Variants in DYM observed in about 807,000 individuals in gnomAD.
The protein encoded by DYM is dyggve-Melchior-Clausen syndrome protein.
DYM carries 78 observed loss-of-function variants against 93.1 expected under a neutral mutation model. The ratio of observed to expected loss-of-function variants is 0.84; its 90% CI spans 0.70 to 1.01. The LOEUF (loss-of-function observed/expected upper bound fraction) is 1.01, where lower values mean the gene tolerates loss of function less well. Among genes scored for constraint, DYM ranks in the 50% least tolerant of loss-of-function variants. DYM has a pLI of 0.00. For synonymous variants in DYM, 321 were observed against 319.7 expected (o/e 1.00, Z -0.04); for missense variants, 789 against 845.0 (o/e 0.93, Z 0.82).
chr18:49,234,061 G>A (rs1040624929), intron 13 of DYM, among the ~76,000 whole-genome samples: 2 of 152,034 alleles, frequency 1.3e-5, no homozygotes, highest in African/African-American at 4.8e-5. Flanking sequence ...CCTGGGAGGC[G>A]GAGCTTGCAG....
At chr18:49,329,303 G>A (rs896621475) in intron 8 of DYM, among the ~76,000 whole-genome samples, 10 of 106,806 alleles carry the variant, frequency 9.4e-5, no homozygotes, top group Non-Finnish European at 1.8e-4. Context: ...GGGGAGGGGG[G>A]AGGGATAGCA....
rs937503109 is a variant in DYM, at chr18:49,232,306, C to CT, written c.1461-22592dup. Among the ~76,000 whole-genome samples the CT allele has an allele frequency of 5.0e-3, 707 of 141,990 alleles. 6 individuals carry two copies. The highest frequency in any genetic ancestry group is 0.046 in the East Asian group (230 of 5,020). The allele number at this position is 141,990 out of a possible 152,430, so 93.2% of individuals were successfully genotyped here. On this transcript the variant is annotated intron_variant, in intron 13 of 17. Coordinates refer to ENST00000675505, the MANE Select transcript of DYM (RefSeq NM_001353214.3). ...AGAATTTCTTCTTTTTTGATTTTTT[C>CT]TTTTTTTTTTTTCTTTTTGAGAAGG... is the stretch of plus-strand genomic sequence containing the variant.
chr18:49,240,346 A>G (rs1165685739), intron 13 of DYM, among the ~76,000 whole-genome samples: 1 of 152,162 alleles, frequency 6.6e-6, no homozygotes, highest in South Asian at 2.1e-4. Flanking sequence ...TTATACTGAC[A>G]GATATTAAAA....
At chr18:49,060,544 C>T (rs2075863647) in intron 17 of DYM, among the ~76,000 whole-genome samples, 1 of 149,714 alleles carries the variant, frequency 6.7e-6, no homozygotes. Context: ...TGAAGGTAGG[C>T]TCTCTGTGTG....
At chr18:49,235,775 G>A (rs1188556923) in intron 13 of DYM, among the ~76,000 whole-genome samples, 33 of 148,462 alleles carry the variant, frequency 2.2e-4, no homozygotes, top group Non-Finnish European at 1.8e-4. Context: ...CACTGTGAAA[G>A]AAAAAAAAAA....
At chr18:49,343,425 T>C (rs1428650933) in intron 6 of DYM, among the ~76,000 whole-genome samples, 7 of 152,222 alleles carry the variant, frequency 4.6e-5, no homozygotes, top group Non-Finnish European at 1.0e-4. Context: ...CAGGACTCTG[T>C]CTTTGACTTT....
chr18:49,174,913 CAT>C (rs531905814), intron 14 of DYM, among the ~76,000 whole-genome samples: 35 of 152,142 alleles, frequency 2.3e-4, no homozygotes, highest in East Asian at 9.7e-4. Context: ...ATACGGAAAA[CAT>C]GTGAGGATTA....
intron 1 of DYM, among the ~76,000 whole-genome samples, chr18:49,434,107 A>G (rs2080590297): frequency 6.6e-6 from 1 of 152,058 alleles, no homozygotes; most frequent in South Asian, 2.1e-4. Flanking sequence ...ACACTTTGGG[A>G]GGCCAAGACG....
intron 10 of DYM, among the ~76,000 whole-genome samples, chr18:49,275,488 T>A (rs1467452380): frequency 6.6e-6 from 1 of 152,200 alleles, no homozygotes; most frequent in East Asian, 1.9e-4. Context: ...AATCATCTTG[T>A]CAATCTCTAT....
chr18:49,352,009 G>A (rs1409263952), intron 6 of DYM, among the ~76,000 whole-genome samples: 1 of 152,164 alleles, frequency 6.6e-6, no homozygotes, highest in Admixed American at 6.5e-5. Context: ...AAGACTACAC[G>A]TAGAACTTTC....
At chr18:49,048,636 C>T (rs1211811148) in intron 17 of DYM, among the ~76,000 whole-genome samples, 2 of 150,756 alleles carry the variant, frequency 1.3e-5, no homozygotes, top group Non-Finnish European at 2.9e-5. Flanking sequence ...TTCCTTCCAG[C>T]TGAATTACAG....
At chr18:49,136,120 C>A (rs1322085645) in intron 15 of DYM, among the ~76,000 whole-genome samples, 1 of 152,250 alleles carries the variant, frequency 6.6e-6, no homozygotes, top group African/African-American at 2.4e-5. Context: ...CTCCCTGTGG[C>A]CCAGCCACTG....
At chr18:49,102,985 C>T (rs938557673) in intron 16 of DYM, among the ~76,000 whole-genome samples, 23 of 152,168 alleles carry the variant, frequency 1.5e-4, no homozygotes, top group African/African-American at 4.8e-4. Flanking sequence ...CTTGAGGAAT[C>T]GCCACACTGA....
intron 2 of DYM, among the ~76,000 whole-genome samples, chr18:49,395,879 C>A (rs971798418): frequency 6.6e-6 from 1 of 152,112 alleles, no homozygotes; most frequent in African/African-American, 2.4e-5. Context: ...GAAATCTGAT[C>A]CCCAATGTTA....
chr18:49,348,884 G>A (rs2064862677), intron 6 of DYM, among the ~76,000 whole-genome samples: 1 of 140,782 alleles, frequency 7.1e-6, no homozygotes, highest in Non-Finnish European at 1.5e-5. Flanking sequence ...ACTCCAGCCG[G>A]GTAACAGAGT....
At chr18:49,396,691 G>A (rs138662948) in intron 2 of DYM, among the ~76,000 whole-genome samples, 1 of 152,064 alleles carries the variant, frequency 6.6e-6, no homozygotes, top group African/African-American at 2.4e-5. Context: ...TCCATCAATG[G>A]ATGAATTTTT....
chr18:49,221,188 A>G (rs1445058636), intron 13 of DYM, among the ~76,000 whole-genome samples: 1 of 152,102 alleles, frequency 6.6e-6, no homozygotes, highest in Non-Finnish European at 1.5e-5. Context: ...GAGAAATGCA[A>G]ATCAAAACCA....
chr18:49,434,211 G>A (rs900362926), intron 1 of DYM, among the ~76,000 whole-genome samples: 1 of 152,054 alleles, frequency 6.6e-6, no homozygotes, highest in Non-Finnish European at 1.5e-5. Context: ...GCCAGGTGTG[G>A]TGGCACACGC....
intron 13 of DYM, among the ~76,000 whole-genome samples, chr18:49,254,415 T>C (rs2094351917): frequency 6.6e-6 from 1 of 151,818 alleles, no homozygotes; most frequent in Non-Finnish European, 1.5e-5. Flanking sequence ...TTGATACTTC[T>C]TGCATTGCTT....
Sources: gnomAD v4.1 joint callset for allele counts (sites outside exome capture counted in the v4.1 genomes callset) on GRCh38, gnomAD v4.1.1 for gene constraint, MANE v1.5 for transcripts, NCBI Gene and HGNC (gene_info 2026-07-23, HGNC 2026-07-21) for gene names.